Variants in SLC14A2 observed in about 807,000 individuals in gnomAD.
SLC14A2 encodes solute carrier family 14 member 2.
In SLC14A2, 91 loss-of-function variants were observed where a neutral mutation model predicts 104.6. The observed-to-expected ratio is 0.87, with a 90% confidence interval of 0.73 to 1.04. The LOEUF (loss-of-function observed/expected upper bound fraction) is 1.04. SLC14A2 is among the 50% of genes least tolerant of loss of function. The pLI, the probability that SLC14A2 is intolerant of heterozygous loss-of-function variation, is 0.00. For missense variants in SLC14A2, 1,189 were observed against 1,156.0 expected (o/e 1.03, Z -0.41); for synonymous variants, 476 against 466.4 (o/e 1.02, Z -0.27).
In SLC14A2 at chr18:45,666,978, C is replaced by T. The variant is rs372109413; in HGVS notation, c.1601C>T (p.Thr534Ile). Residue 534 changes from threonine (T) to isoleucine (I), a missense_variant, in exon 13 of 20, where the codon ACA (threonine) becomes ATA (isoleucine). Transcript: ENST00000255226. ...GAGAGCTCTGAGATAAAAGTGGAAA[C>T]AAACATTTCCAAGACATCCTGGATT... ...MEESSEIKVE[T>I]NISKTSWIRS... The T allele has an allele frequency of 6.2e-7, 1 of 1,614,028 alleles. No individual in the cohort carries two copies. Among genetic ancestry groups the T allele is most frequent in the Non-Finnish European group, 8.5e-7 (1 of 1,179,890 alleles).
At chr18:45,443,625 G>A (rs1488829283) in intron 1 of SLC14A2, among the ~76,000 whole-genome samples, 1 of 152,090 alleles carries the variant, frequency 6.6e-6, no homozygotes, top group African/African-American at 2.4e-5. Flanking sequence ...TGGCTGGATT[G>A]GGGGAAATGG....
intron 2 of SLC14A2, among the ~76,000 whole-genome samples, chr18:45,513,400 G>A (rs2043394752): frequency 6.6e-6 from 1 of 152,178 alleles, no homozygotes; most frequent in Admixed American, 6.5e-5. Context: ...TTGTATTGAT[G>A]AGAAGTTAGA....
chr18:45,625,578 T>C (rs1043583758), intron 2 of SLC14A2, 105 bp from the exon 3 acceptor site: 9 of 889,498 alleles, frequency 1.0e-5, no homozygotes, highest in Admixed American at 3.6e-5. Context: ...CTTTGTCTCA[T>C]GATCCTTTAT....
chr18:45,177,134 C>T, the SLC14A2 span, among the ~76,000 whole-genome samples: 3 of 152,288 alleles, frequency 2.0e-5, no homozygotes, highest in East Asian at 5.8e-4. Flanking sequence ...TCTTCCAGCA[C>T]ATTTTGTTAT....
At chr18:45,440,218 G>GTT (rs5824588) in intron 1 of SLC14A2, among the ~76,000 whole-genome samples, 79,874 of 148,582 alleles carry the variant, frequency 0.54, 21,392 homozygotes, top group Admixed American at 0.67. Context: ...CATTTTTCAA[G>GTT]TTTTTTTTTT....
At chr18:45,224,380 GCT>G (rs1294632461) in intron 1 of SLC14A2, among the ~76,000 whole-genome samples, 1 of 152,218 alleles carries the variant, frequency 6.6e-6, no homozygotes, top group African/African-American at 2.4e-5. Context: ...AACCTTGAAA[GCT>G]TATCACGACC....
intron 1 of SLC14A2, among the ~76,000 whole-genome samples, chr18:45,284,733 A>G (rs944849442): frequency 6.6e-6 from 1 of 152,186 alleles, no homozygotes; most frequent in African/African-American, 2.4e-5. Flanking sequence ...AAGAACAGAA[A>G]GGGCTGGAGG....
chr18:45,551,381 G>C (rs1170914208), intron 2 of SLC14A2, among the ~76,000 whole-genome samples: 2 of 152,238 alleles, frequency 1.3e-5, no homozygotes, highest in African/African-American at 4.8e-5. Flanking sequence ...AAAAGCTGCA[G>C]TGTGATGCTC....
rs200307784 is a variant in SLC14A2, at chr18:45,667,929, T to A, written c.1814T>A (p.Leu605His). 1.2e-5 allele frequency: 20 copies of A among 1,614,140 alleles called. No homozygotes were observed. The African/African-American group carries it at 2.0e-4, about 16-fold the overall frequency. The change falls in exon 14 of 20, where the codon CTC becomes CAC. Residue 605 changes from leucine (L) to histidine (H), a missense_variant. Transcript: ENST00000255226. Reference sequence around the variant, plus strand: ...CCCCTCAGCGGCATCCTCATCATCCTCGGCCTCTTCATCCAGAACCCCTGG... The same window carrying A: ...CCCCTCAGCGGCATCCTCATCATCCACGGCCTCTTCATCCAGAACCCCTGG... The part of the protein sequence containing the change: ...NNPLSGILII[L>H]GLFIQNPWWA...
At chr18:45,201,713 A>T in the SLC14A2 span, among the ~76,000 whole-genome samples, 2 of 152,284 alleles carry the variant, frequency 1.3e-5, no homozygotes, top group African/African-American at 4.8e-5. Flanking sequence ...ACTAAAAGGA[A>T]ATATGGCATT....
At chr18:45,278,796 C>G (rs532568380) in intron 1 of SLC14A2, among the ~76,000 whole-genome samples, 3 of 152,150 alleles carry the variant, frequency 2.0e-5, no homozygotes, top group Admixed American at 2.0e-4. Flanking sequence ...CCGTGTTGTT[C>G]AAGGGTAAGC....
chr18:45,557,343 C>T (rs796730658), intron 2 of SLC14A2, among the ~76,000 whole-genome samples: 21 of 152,208 alleles, frequency 1.4e-4, no homozygotes, highest in African/African-American at 4.6e-4. Context: ...TGTCCTCAGT[C>T]GCCAATGCGT....
At chr18:45,311,005 G>T (rs904087025) in intron 1 of SLC14A2, among the ~76,000 whole-genome samples, 1 of 152,218 alleles carries the variant, frequency 6.6e-6, no homozygotes, top group East Asian at 1.9e-4. Context: ...ACAAACTTCT[G>T]CTGTGTGCCT....
chr18:45,527,092 C>T (rs2043603157), intron 2 of SLC14A2, among the ~76,000 whole-genome samples: 1 of 152,204 alleles, frequency 6.6e-6, no homozygotes, highest in African/African-American at 2.4e-5. Flanking sequence ...CCAAAAGTCA[C>T]ATAGCTGGTC....
chr18:45,348,887 C>A (rs979439703), intron 1 of SLC14A2, among the ~76,000 whole-genome samples: 1 of 152,190 alleles, frequency 6.6e-6, no homozygotes, highest in African/African-American at 2.4e-5. Flanking sequence ...TTGTGTGGCT[C>A]TGCCTTCCTT....
chr18:45,546,501 CA>C (rs1342627153), intron 2 of SLC14A2, among the ~76,000 whole-genome samples: 1 of 152,200 alleles, frequency 6.6e-6, no homozygotes, highest in Non-Finnish European at 1.5e-5. Flanking sequence ...CTGTTTCTAA[CA>C]CAGACCCTAT....
At chr18:45,542,101 C>A (rs2043900144) in intron 2 of SLC14A2, 1 of 113,522 alleles carries the variant, frequency 8.8e-6, no homozygotes. Flanking sequence ...CATCAACAAT[C>A]AGAAAGTCTG....
At chr18:45,329,419 AC>A (rs2085267934) in intron 1 of SLC14A2, among the ~76,000 whole-genome samples, 1 of 152,164 alleles carries the variant, frequency 6.6e-6, no homozygotes, top group African/African-American at 2.4e-5. Context: ...TCTTCAAATA[AC>A]CATCAATTTG....
chr18:45,493,570 G>A (rs1319260796), intron 2 of SLC14A2, among the ~76,000 whole-genome samples: 1 of 152,192 alleles, frequency 6.6e-6, no homozygotes, highest in Non-Finnish European at 1.5e-5. Context: ...AAGTTGCATA[G>A]GTAGTCAAGG....
Sources: gnomAD v4.1 joint callset for allele counts (sites outside exome capture counted in the v4.1 genomes callset) on GRCh38, gnomAD v4.1.1 for gene constraint, MANE v1.5 for transcripts, NCBI Gene and HGNC (gene_info 2026-07-23, HGNC 2026-07-21) for gene names.